ADAP1: variants seen among roughly 807,000 people sequenced by gnomAD.
ADAP1 encodes ArfGAP with dual PH domains 1, also known as arf-GAP with dual PH domain-containing protein 1.
Under a neutral mutation model 54.9 loss-of-function variants are expected in ADAP1, and 31 were observed. The ratio of observed to expected loss-of-function variants is 0.56; its 90% CI spans 0.42 to 0.76. The LOEUF is 0.76. Among genes scored for constraint, ADAP1 ranks in the 30% least tolerant of loss-of-function variants. The probability of loss-of-function intolerance (pLI) is 0.00; values close to 1 mark genes in which losing one functional copy is unlikely to be tolerated. For synonymous variants in ADAP1, 313 were observed against 202.6 expected (o/e 1.55, Z -4.63); for missense variants, 535 against 512.4 (o/e 1.04, Z -0.42).
intron 4 of ADAP1, among the ~76,000 whole-genome samples, chr7:906,383 GA>G (rs1222434739): frequency 1.0e-4 from 4 of 39,686 alleles, no homozygotes; most frequent in Non-Finnish European, 1.0e-4. Flanking sequence ...GGAGAAAGGA[GA>G]AAGGAGAAAG....
chr7:930,547 G>A lies in ADAP1; in HGVS notation c.214-3903C>T, dbSNP rs117522008. 1.1e-3 allele frequency among the ~76,000 whole-genome samples: 165 copies of A among 151,702 alleles called. No homozygotes were observed. The East Asian group carries it at 0.019, about 17-fold the overall frequency. On this transcript the variant is annotated intron_variant, in intron 2 of 10. Coordinates refer to ENST00000265846, the MANE Select transcript of ADAP1 (RefSeq NM_006869.4). Reference sequence around the variant, plus strand: ...TTTTTTAATTAGCCAGGGCTGGCGCGGTGGCTCACGTCTGTAATCCCAGAA... The same window carrying A: ...TTTTTTAATTAGCCAGGGCTGGCGCAGTGGCTCACGTCTGTAATCCCAGAA...
intron 3 of ADAP1, among the ~76,000 whole-genome samples, chr7:924,835 G>A (rs1020214532): frequency 2.6e-5 from 4 of 152,076 alleles, no homozygotes; most frequent in South Asian, 2.1e-4. Context: ...AGCTGGGGGC[G>A]GGGTGATAAA....
chr7:932,000 C>T (rs1317157533), intron 2 of ADAP1, among the ~76,000 whole-genome samples: 2 of 152,192 alleles, frequency 1.3e-5, no homozygotes, highest in Non-Finnish European at 2.9e-5. Flanking sequence ...GCAGCTCCCG[C>T]CCCACAGAGT....
chr7:900,136 A>G lies in ADAP1; in HGVS notation c.761T>C (p.Leu254Pro). 6.2e-7 allele frequency: 1 copy of G among 1,613,236 alleles called. No homozygotes were observed. The highest frequency in any genetic ancestry group is 8.5e-7 in the Non-Finnish European group (1 of 1,179,938). The change falls in exon 8 of 11, where the codon CTG (leucine) becomes CCG (proline). Residue 254 changes from leucine to proline, a missense_variant. Coordinates refer to ENST00000265846, the MANE Select transcript of ADAP1 (RefSeq NM_006869.4). ...DLVPKLSRNY[L>P]KEGYMEKTGP... ...CGTCTTCTCCATGTAGCCTTCCTTC[A>G]GGTAGTTCCTGGAGAGCTTTGGCAC...
At chr7:902,114 G>C (rs1398329657) in intron 6 of ADAP1, among the ~76,000 whole-genome samples, 1 of 151,946 alleles carries the variant, frequency 6.6e-6, no homozygotes, top group African/African-American at 2.4e-5. Flanking sequence ...GGAGGATCAG[G>C]AGTTGGACAC....
At chr7:935,123 C>A (rs1438961293) in intron 2 of ADAP1, 7 of 635,144 alleles carry the variant, frequency 1.1e-5, no homozygotes, top group Non-Finnish European at 1.8e-5. Flanking sequence ...GACCCGCCTT[C>A]GCTCCCTGGC....
At chr7:947,295 G>A (rs62433089) in intron 1 of ADAP1, among the ~76,000 whole-genome samples, 41,586 of 145,850 alleles carry the variant, frequency 0.29, 5,978 homozygotes, top group South Asian at 0.44. Flanking sequence ...GGGCTCAAGC[G>A]ATCCTCCCAC....
intron 2 of ADAP1, chr7:935,058 C>T: frequency 2.0e-6 from 1 of 509,908 alleles, no homozygotes; most frequent in Non-Finnish European, 3.9e-6. Flanking sequence ...CCCAGTGCTC[C>T]AGGTGTGGGG....
At chr7:923,821 C>G (rs1846273868) in intron 3 of ADAP1, among the ~76,000 whole-genome samples, 1 of 152,180 alleles carries the variant, frequency 6.6e-6, no homozygotes, top group South Asian at 2.1e-4. Flanking sequence ...CCCTGAAGAC[C>G]TTCAACTCAG....
chr7:927,206 G>GTTTAC, intron 2 of ADAP1: 1 of 1,281,220 alleles, frequency 7.8e-7, no homozygotes, highest in Non-Finnish European at 1.0e-6. Context: ...ACAGGCTGAG[G>GTTTAC]GAGAAGGAAA....
chr7:951,143 G>T (rs1016070628), intron 1 of ADAP1, among the ~76,000 whole-genome samples: 2 of 152,154 alleles, frequency 1.3e-5, no homozygotes, highest in African/African-American at 2.4e-5. Context: ...GGGAGGCCGA[G>T]GCGGGTGGAT....
chr7:922,839 A>C (rs1583165072), intron 3 of ADAP1: 1 of 74,588 alleles, frequency 1.3e-5, no homozygotes, highest in Non-Finnish European at 2.7e-5. Flanking sequence ...CCTGCCTCTC[A>C]GCAACACCCC....
intron 4 of ADAP1, among the ~76,000 whole-genome samples, chr7:906,170 A>G (rs201072826): frequency 2.8e-3 from 232 of 81,566 alleles, no homozygotes; most frequent in Non-Finnish European, 4.4e-3. Flanking sequence ...GAAAGGAGAA[A>G]GGAGAAAGGG....
intron 2 of ADAP1, among the ~76,000 whole-genome samples, chr7:929,051 C>T (rs1409908998): frequency 6.6e-6 from 1 of 152,100 alleles, no homozygotes; most frequent in Non-Finnish European, 1.5e-5. Context: ...CCCAGCACTT[C>T]AGGAGGCAGA....
intron 4 of ADAP1, among the ~76,000 whole-genome samples, chr7:912,311 C>T (rs546945974): frequency 7.2e-5 from 11 of 152,340 alleles, no homozygotes; most frequent in African/African-American, 1.2e-4. Context: ...CTGTGAAAGC[C>T]GCCATTGAGG....
At chr7:955,177 C>T (rs957185512), upstream of ADAP1, 2 of 905,094 alleles carry the variant, frequency 2.2e-6, no homozygotes, top group Non-Finnish European at 3.5e-6. Flanking sequence ...ACCCAGCCGC[C>T]CACCACCCAC....
Position 947,214 on chromosome 7 carries a change from G to GTT in ADAP1, c.82+7180_82+7181dup, listed in dbSNP as rs373444087. On this transcript the variant is annotated intron_variant, in intron 1 of 10. Coordinates refer to ENST00000265846, the MANE Select transcript of ADAP1 (RefSeq NM_006869.4). Reference sequence around the variant, plus strand: ...ACCACCACATCTGGCTGATTTTTTGGTTTTTTTTTTTTTTTTTTTTTTTTA... The same window carrying GTT: ...ACCACCACATCTGGCTGATTTTTTGGTTTTTTTTTTTTTTTTTTTTTTTTTTA... Among the ~76,000 whole-genome samples the GTT allele has an allele frequency of 7.6e-3, 636 of 84,162 alleles. 38 individuals carry two copies. In the East Asian group the frequency reaches 0.16, roughly 22 times the overall value. The allele number at this position is 84,162 out of a possible 152,430, so 55.2% of individuals were successfully genotyped here. A position where few individuals can be genotyped will look rare whatever the true frequency, so the allele number is the denominator to read the frequency against.
intron 4 of ADAP1, among the ~76,000 whole-genome samples, chr7:909,477 G>A (rs1460137457): frequency 6.6e-6 from 1 of 152,218 alleles, no homozygotes; most frequent in East Asian, 1.9e-4. Flanking sequence ...GGGCAATGAC[G>A]ACGCAGGAGT....
intron 4 of ADAP1, among the ~76,000 whole-genome samples, chr7:906,760 A>G (rs553445224): frequency 0.23 from 5,471 of 23,820 alleles, 562 homozygotes; most frequent in East Asian, 0.31. Flanking sequence ...GGACATGGAC[A>G]GGGGACATGG....
Sources: gnomAD v4.1 joint callset for allele counts (sites outside exome capture counted in the v4.1 genomes callset) on GRCh38, gnomAD v4.1.1 for gene constraint, MANE v1.5 for transcripts, NCBI Gene and HGNC (gene_info 2026-07-23, HGNC 2026-07-21) for gene names.